The following PXDN variants were observed in gnomAD, a reference collection of about 807,000 sequenced individuals.
PXDN encodes the protein peroxidasin homolog.
In PXDN, 77 loss-of-function variants were observed where a neutral mutation model predicts 140.3. That is an observed-to-expected ratio of 0.55 (90% CI 0.46 to 0.66). The LOEUF (loss-of-function observed/expected upper bound fraction) is 0.66. PXDN is among the 30% of genes least tolerant of loss of function. PXDN has a pLI of 0.00. For missense variants in PXDN, 1,838 were observed against 2,039.5 expected (o/e 0.90, Z 1.90); for synonymous variants, 911 against 857.4 (o/e 1.06, Z -1.09).
At chr2:1,704,565 G>A (rs1684540616) in intron 1 of PXDN, among the ~76,000 whole-genome samples, 1 of 90,414 alleles carries the variant, frequency 1.1e-5, no homozygotes, top group African/African-American at 4.8e-5. Flanking sequence ...TGAAGGGAGG[G>A]CAACTCCAGG....
chr2:1,710,586 C>CCTCTCCACCAGCACCCA (rs757903854), intron 1 of PXDN, among the ~76,000 whole-genome samples: 9,255 of 99,292 alleles, frequency 0.093, 788 homozygotes, highest in Non-Finnish European at 0.11. Flanking sequence ...CCACTAGCAC[C>CCTCTCCACCAGCACCCA]CTCTCCACCA....
Position 1,666,340 on chromosome 2 carries a change from C to A in PXDN, c.1165G>T (p.Val389Leu). The A allele has an allele frequency of 1.9e-6, 3 of 1,614,074 alleles. No homozygotes were observed. The highest frequency in any genetic ancestry group is 2.5e-6 in the Non-Finnish European group (3 of 1,179,910). The change falls in exon 10 of 23, where the codon GTG (valine) becomes TTG (leucine). Residue 389 changes from valine to leucine, a missense_variant. Val to Leu is a conservative substitution (Grantham distance 32). Transcript: ENST00000252804. ...DRTPLPVDPR[V>L]NITPSGGLYI... ...AGCCCGCCAGAAGGCGTGATGTTCA[C>A]CCGCGGGTCAACTGGCAAGGGTGTG...
At chr2:1,743,977 C>G (rs1685623483) in intron 1 of PXDN, among the ~76,000 whole-genome samples, 1 of 152,070 alleles carries the variant, frequency 6.6e-6, no homozygotes, top group South Asian at 2.1e-4. Flanking sequence ...GCGGGGATTC[C>G]GAGTTCCGAA....
intron 9 of PXDN, chr2:1,669,588 C>T (rs937346792): frequency 2.6e-5 from 4 of 152,164 alleles, no homozygotes; most frequent in African/African-American, 9.7e-5. Flanking sequence ...TGCCTGTAAT[C>T]CCAGCACTTT....
chr2:1,740,696 C>G (rs1364447597), intron 1 of PXDN, among the ~76,000 whole-genome samples: 1 of 152,222 alleles, frequency 6.6e-6, no homozygotes, highest in Non-Finnish European at 1.5e-5. Flanking sequence ...AGGAAGCCCC[C>G]TGACTCTCTG....
rs368675133 is a variant in PXDN at position 1,635,451 on chromosome 2, T to G, written c.4277A>C (p.Asn1426Thr). Residue 1426 changes from asparagine to threonine, a missense_variant, in exon 22 of 23, where the codon AAC (asparagine) becomes ACC (threonine). Asn to Thr is a moderately conservative substitution (Grantham distance 65). This residue lies in a region of PXDN where 850 missense variants were observed against 894.1 expected (regional missense o/e 0.95). Coordinates refer to ENST00000252804, the MANE Select transcript of PXDN (RefSeq NM_012293.3). ...VDAGGESHAN[N>T]TKWKKDACTI... Reference sequence around the variant, plus strand: ...GCATGCATCTTTTTTCCACTTGGTGTTGTTGGCGTGAGATTCGCCCCCGGC... The same window carrying G: ...GCATGCATCTTTTTTCCACTTGGTGGTGTTGGCGTGAGATTCGCCCCCGGC... The G allele has an allele frequency of 3.9e-5, 62 of 1,601,974 alleles. No individual in the cohort carries two copies. Among genetic ancestry groups the G allele is most frequent in the South Asian group, 2.6e-4 (23 of 88,706 alleles).
At chr2:1,724,352 G>A (rs1401551178) in intron 1 of PXDN, among the ~76,000 whole-genome samples, 1 of 141,402 alleles carries the variant, frequency 7.1e-6, no homozygotes, top group Non-Finnish European at 1.5e-5. Context: ...ATTTAATAGA[G>A]ACTTACACAG....
chr2:1,649,397 G>A lies in PXDN; in HGVS notation c.2383C>T (p.Pro795Ser), dbSNP rs1231321114. 6.2e-7 allele frequency: 1 copy of A among 1,613,984 alleles called. No homozygotes were observed. The highest frequency in any genetic ancestry group is 1.1e-5 in the South Asian group (1 of 91,088). Residue 795 changes from proline to serine, a missense_variant, in exon 17 of 23, where the codon CCG becomes TCG. Pro to Ser is a moderately conservative substitution (Grantham distance 74). Coordinates refer to ENST00000252804, the MANE Select transcript of PXDN (RefSeq NM_012293.3). This position sits in a 1 kb window ranked among gnomAD's most constrained non-coding sequence, Gnocchi z 7.1. ...ATCAGGGTGGTGGACACCAGGCGCG[G>A]CATGGGAAGGGCGTGCCCGTTGTAC... ...RLYNGHALPM[P>S]RLVSTTLIGT...
At position 1,697,261 on chromosome 2, in the gene PXDN, T is replaced by C. The variant is rs72763579; in HGVS notation, c.201-4127A>G. 5.3e-3 allele frequency among the ~76,000 whole-genome samples: 801 copies of C among 152,258 alleles called. 4 individuals carry two copies. The highest frequency in any genetic ancestry group is 0.011 in the Admixed American group (163 of 15,296). On this transcript the variant is annotated intron_variant, in intron 1 of 22. Coordinates refer to ENST00000252804, the MANE Select transcript of PXDN (RefSeq NM_012293.3). Reference sequence around the variant, plus strand: ...TTTTAAGTGTGCGTGTGAGGAGATATAGGAAAAGCATTTGCACACACAGGC... The same window carrying C: ...TTTTAAGTGTGCGTGTGAGGAGATACAGGAAAAGCATTTGCACACACAGGC...
In PXDN at chr2:1,648,477, A is replaced by C. The variant is rs368271183; in HGVS notation, c.3303T>G (p.Ala1101=). 80 of 1,611,330 alleles carry C rather than the reference A, an allele frequency of 5.0e-5. No individual in the cohort carries two copies. The Middle Eastern group carries it at 6.6e-4, about 13-fold the overall frequency. The part of the protein sequence containing the change: ...IAQDHLPLHK[A]FFSPFRIVNE... ...TCACAATCCGGAAGGGAGAGAAGAAAGCTTTGTGAAGGGGGAGGTGATCTT... is the reference window on the plus strand; with the variant it reads ...TCACAATCCGGAAGGGAGAGAAGAACGCTTTGTGAAGGGGGAGGTGATCTT... Residue 1101 remains alanine, a synonymous_variant, in exon 17 of 23, where the codon GCT becomes GCG. Coordinates refer to ENST00000252804, the MANE Select transcript of PXDN (RefSeq NM_012293.3). The surrounding 1 kb of genome is among the most constrained non-coding windows in gnomAD (Gnocchi z 8.9).
intron 14 of PXDN, among the ~76,000 whole-genome samples, chr2:1,656,574 GACCTGTCCCCTCCTGCCTGAA>G (rs1169836884): frequency 2.0e-5 from 3 of 149,030 alleles, no homozygotes; most frequent in African/African-American, 5.0e-5. Flanking sequence ...TCCTGACAGG[GACCTGTCCCCTCCTGCCTGAA>G]ACCTGTCCCC....
chr2:1,740,487 G>A (rs1021993000), intron 1 of PXDN, among the ~76,000 whole-genome samples: 5 of 152,024 alleles, frequency 3.3e-5, no homozygotes, highest in Admixed American at 3.3e-4. Flanking sequence ...CCCCCAGAGG[G>A]CCTGGGGGGC....
At chr2:1,703,383 G>A (rs1479415102) in intron 1 of PXDN, among the ~76,000 whole-genome samples, 4 of 39,550 alleles carry the variant, frequency 1.0e-4, no homozygotes, top group Non-Finnish European at 1.4e-4. Context: ...GTGGGGGACA[G>A]CTCCAGGTGA....
Position 1,729,700 on chromosome 2 carries a change from ATC to A in PXDN, c.200+14554_200+14555del, listed in dbSNP as rs1374933722. On this transcript the variant is annotated intron_variant, in intron 1 of 22. Transcript: ENST00000252804. ...ACCAAACACCACCTGTTCCCCAAAA[ATC>A]TACTGAAATTTTTTTTAAAAAAAGA... Among the ~76,000 whole-genome samples, 7 of 152,280 alleles carry A rather than the reference ATC, an allele frequency of 4.6e-5. No individual in the cohort carries two copies. The South Asian group carries it at 1.5e-3, about 32-fold the overall frequency.
chr2:1,739,489 G>C (rs552359066), intron 1 of PXDN, among the ~76,000 whole-genome samples: 2 of 152,120 alleles, frequency 1.3e-5, no homozygotes, highest in Non-Finnish European at 2.9e-5. Context: ...GAGGAGGAAG[G>C]CAAGATCTAA....
chr2:1,739,355 A>C (rs748364707), intron 1 of PXDN, among the ~76,000 whole-genome samples: 4 of 152,148 alleles, frequency 2.6e-5, no homozygotes, highest in East Asian at 3.9e-4. Flanking sequence ...AAACGATAGA[A>C]TATCACAGCA....
At chr2:1,698,994 C>T (rs1040728127) in intron 1 of PXDN, among the ~76,000 whole-genome samples, 1 of 151,782 alleles carries the variant, frequency 6.6e-6, no homozygotes, top group African/African-American at 2.4e-5. Context: ...TTCCATTATT[C>T]TCAAATCTTA....
intron 6 of PXDN, among the ~76,000 whole-genome samples, chr2:1,681,052 AAC>A (rs1428832087): frequency 6.6e-6 from 1 of 152,164 alleles, no homozygotes; most frequent in Admixed American, 6.5e-5. Context: ...CCAGGTAGCA[AAC>A]ACAGGCTACA....
At chr2:1,692,371 G>A (rs537605212) in intron 2 of PXDN, among the ~76,000 whole-genome samples, 3 of 152,350 alleles carry the variant, frequency 2.0e-5, no homozygotes, top group Non-Finnish European at 2.9e-5. Flanking sequence ...TGGTCCGGGT[G>A]GACAGACGTG....
Sources: gnomAD v4.1 joint callset for allele counts (sites outside exome capture counted in the v4.1 genomes callset) on GRCh38, gnomAD v4.1.1 for gene constraint, gnomAD v4.1.1 regional missense constraint, Gnocchi (gnomAD v3.1) non-coding constraint, MANE v1.5 for transcripts, NCBI Gene and HGNC (gene_info 2026-07-23, HGNC 2026-07-21) for gene names.